Variants in SACS observed in about 807,000 individuals in gnomAD.
The protein encoded by SACS is sacsin molecular chaperone.
Under a neutral mutation model 348.0 loss-of-function variants are expected in SACS, and 197 were observed. The ratio of observed to expected loss-of-function variants is 0.57; its 90% CI spans 0.50 to 0.64. The LOEUF is 0.64. Ranked by LOEUF, SACS falls within the 30% of genes least tolerant of loss-of-function variation. The probability of loss-of-function intolerance (pLI) is 0.00; values close to 1 mark genes in which losing one functional copy is unlikely to be tolerated. For synonymous variants in SACS, 1,985 were observed against 1,910.6 expected, an observed-to-expected ratio of 1.04 and a Z score of -1.02; for missense variants, 4,999 against 5,360.8, an observed-to-expected ratio of 0.93 and a Z score of 2.11.
chr13:23,372,970 CCT>C (rs1468008897), intron 3 of SACS, among the ~76,000 whole-genome samples: 2 of 152,192 alleles, frequency 1.3e-5, no homozygotes, highest in Non-Finnish European at 2.9e-5. Flanking sequence ...TACTTAGACC[CCT>C]GTCTACCCAC....
intron 2 of SACS, among the ~76,000 whole-genome samples, chr13:23,406,378 C>CG (rs1485231398): frequency 2.1e-5 from 3 of 142,916 alleles, no homozygotes; most frequent in African/African-American, 5.2e-5. Context: ...CAGGGCCTGT[C>CG]GGGGGGTGGG....
At chr13:23,364,472 G>A (rs1288457798) in intron 6 of SACS, among the ~76,000 whole-genome samples, 1 of 152,134 alleles carries the variant, frequency 6.6e-6, no homozygotes, top group African/African-American at 2.4e-5. Flanking sequence ...GTAGAGACGG[G>A]GTTTTGCCAC....
intron 4 of SACS, among the ~76,000 whole-genome samples, chr13:23,370,246 A>T (rs760806540): frequency 6.6e-6 from 1 of 152,152 alleles, no homozygotes; most frequent in Non-Finnish European, 1.5e-5. Flanking sequence ...ATATGATTTC[A>T]TTTCATTTTT....
chr13:23,407,972 C>T (rs1873306728), intron 2 of SACS, among the ~76,000 whole-genome samples: 1 of 152,192 alleles, frequency 6.6e-6, no homozygotes, highest in African/African-American at 2.4e-5. Flanking sequence ...TGACCCCTCA[C>T]ACTGCACATT....
chr13:23,395,389 G>A (rs922714090), intron 2 of SACS, among the ~76,000 whole-genome samples: 1 of 152,140 alleles, frequency 6.6e-6, no homozygotes, highest in Non-Finnish European at 1.5e-5. Context: ...TTGGAACTTT[G>A]ATGGCTTCCC....
At chr13:23,370,171 A>T (rs1871298059) in intron 4 of SACS, among the ~76,000 whole-genome samples, 1 of 152,172 alleles carries the variant, frequency 6.6e-6, no homozygotes. Flanking sequence ...ACTCATTCTT[A>T]TAACTAGCTC....
chr13:23,424,953 G>A (rs919834708), intron 1 of SACS, among the ~76,000 whole-genome samples: 1 of 152,216 alleles, frequency 6.6e-6, no homozygotes, highest in Non-Finnish European at 1.5e-5. Context: ...GAAGATATGG[G>A]TGAAGGAGCT....
In SACS at chr13:23,399,019, C is replaced by CAAAAAAAAAAAAAAAAAAAAAAA. The variant is rs752943692; in HGVS notation, c.20+12200_20+12201insTTTTTTTTTTTTTTTTTTTTTTT. 1.1e-3 allele frequency among the ~76,000 whole-genome samples: 72 copies of CAAAAAAAAAAAAAAAAAAAAAAA among 67,108 alleles called. 3 individuals are homozygous for CAAAAAAAAAAAAAAAAAAAAAAA. The highest frequency in any genetic ancestry group is 5.0e-3 in the East Asian group (7 of 1,400). 44.0% of individuals were successfully genotyped at this position (67,108 alleles called of 152,430 possible). A position where few individuals can be genotyped will look rare whatever the true frequency, so the allele number is the denominator to read the frequency against. ...CTGGTAACAGAGTGAGACTCCATCT[C>CAAAAAAAAAAAAAAAAAAAAAAA]AAAAAAAAAAAAAAAAAACATGGAT... On this transcript the variant is annotated intron_variant, in intron 2 of 9. Coordinates refer to ENST00000382292, the MANE Select transcript of SACS (RefSeq NM_014363.6).
chr13:23,370,642 AC>A (rs1394157510), intron 4 of SACS, among the ~76,000 whole-genome samples: 2 of 151,738 alleles, frequency 1.3e-5, no homozygotes, highest in African/African-American at 4.8e-5. Flanking sequence ...TCTGGCAACC[AC>A]CATTCTACTC....
intron 9 of SACS, among the ~76,000 whole-genome samples, chr13:23,344,036 G>T (rs564002711): frequency 1.3e-5 from 2 of 152,274 alleles, no homozygotes; most frequent in South Asian, 4.1e-4. Context: ...TTTGTCAGCA[G>T]CTTGACTAGT....
Position 23,368,037 on chromosome 13 carries a change from A to G in SACS, c.345+365T>C, listed in dbSNP as rs1871166732. Among the ~76,000 whole-genome samples the G allele has an allele frequency of 2.6e-5, 4 of 152,330 alleles. No individual in the cohort carries two copies. In the South Asian group the frequency reaches 8.3e-4, roughly 32 times the overall value. Reference sequence around the variant, plus strand: ...CCAATGGGCATGCATTCAAGCCTCTAATCGTAGAATGTATTTGGCTGGCCG... The same window carrying G: ...CCAATGGGCATGCATTCAAGCCTCTGATCGTAGAATGTATTTGGCTGGCCG... On this transcript the variant is annotated intron_variant, in intron 5 of 9. Coordinates refer to ENST00000382292, the MANE Select transcript of SACS (RefSeq NM_014363.6).
intron 2 of SACS, among the ~76,000 whole-genome samples, chr13:23,407,449 T>C (rs927169206): frequency 2.6e-5 from 4 of 152,210 alleles, no homozygotes; most frequent in African/African-American, 9.6e-5. Flanking sequence ...TCTGCCCACC[T>C]CGGCCTCCCA....
chr13:23,361,788 GA>G (rs111262553), intron 6 of SACS, among the ~76,000 whole-genome samples: 6,648 of 139,886 alleles, frequency 0.048, 489 homozygotes, highest in African/African-American at 0.16. Context: ...GAAAAAGAAG[GA>G]AAAAAAAAAA....
rs973380628 is a variant in SACS, at chr13:23,417,947, T to C, written c.-501-6207A>G. Among the ~76,000 whole-genome samples the C allele has an allele frequency of 1.2e-4, 18 of 151,352 alleles. No homozygotes were observed. In the East Asian group the frequency reaches 2.0e-3, roughly 16 times the overall value. ...AGCCAGGCATGGTGGCACGCACTTG[T>C]AGTCACAGTTACTAGGGAGGCTGAG... On this transcript the variant is annotated intron_variant, in intron 1 of 9. Coordinates refer to ENST00000382292, the MANE Select transcript of SACS (RefSeq NM_014363.6).
chr13:23,358,338 T>C lies in SACS; in HGVS notation c.601A>G (p.Thr201Ala). ...ACCGAAAAGCCTAATACTCTACCTGTTATATGATAGACAGAATTAAACCCA... is the reference window on the plus strand; with the variant it reads ...ACCGAAAAGCCTAATACTCTACCTGCTATATGATAGACAGAATTAAACCCA... Reference protein sequence around the residue: ...GIGFNSVYHITDVPCIFSGDQ... With the variant: ...GIGFNSVYHIADVPCIFSGDQ... The change falls in exon 7 of 10, where the codon ACA (threonine) becomes GCA (alanine). Residue 201 changes from threonine (T) to alanine (A), a missense_variant. Around this residue, in one of 6 missense-constraint regions of SACS, gnomAD observed 3,156 missense variants for 3,380.1 expected, o/e 0.93. Coordinates refer to ENST00000382292, the MANE Select transcript of SACS (RefSeq NM_014363.6). The C allele has an allele frequency of 6.2e-7, 1 of 1,613,938 alleles. No homozygotes were observed. The highest frequency in any genetic ancestry group is 8.5e-7 in the Non-Finnish European group (1 of 1,179,802).
chr13:23,396,562 A>C (rs1721225136), intron 2 of SACS, among the ~76,000 whole-genome samples: 1 of 152,166 alleles, frequency 6.6e-6, no homozygotes. Context: ...ATTAATTTTT[A>C]AATTATAAAT....
At chr13:23,395,891 C>A (rs1375147977) in intron 2 of SACS, among the ~76,000 whole-genome samples, 1 of 152,156 alleles carries the variant, frequency 6.6e-6, no homozygotes, top group Non-Finnish European at 1.5e-5. Flanking sequence ...CTATTTGCAT[C>A]TGTATGTAAC....
Position 23,353,789 on chromosome 13 carries a change from G to A in SACS, c.2181C>T (p.Thr727=), listed in dbSNP as rs767656737. 3.8e-6 allele frequency: 6 copies of A among 1,570,204 alleles called. No individual in the cohort carries two copies. The highest frequency in any genetic ancestry group is 3.5e-6 in the Non-Finnish European group (4 of 1,140,870). Residue 727 remains threonine, a synonymous_variant, in exon 9 of 10, where the codon ACC becomes ACT. Transcript: ENST00000382292. The part of the protein sequence containing the change: ...LVAALKEAAQ[T]RGRPCTQLQL... ...AAGAATACTAAACTATAATACCTCG[G>A]GTTTGGGCAGCTTCCTTTAAAGCAG...
At position 23,334,532 on chromosome 13, in the gene SACS, C is replaced by T; in HGVS notation, c.9344G>A (p.Gly3115Glu). ...FSSPDTNCHI[G>E]KLPCRLQQTN... ...CTGCTGCAGACGACAAGGCAGCTTCCCAATATGGCAATTAGTGTCAGGAGA... is the reference window on the plus strand; with the variant it reads ...CTGCTGCAGACGACAAGGCAGCTTCTCAATATGGCAATTAGTGTCAGGAGA... The change falls in exon 10 of 10, where the codon GGG (glycine) becomes GAG (glutamate). Residue 3115 changes from glycine to glutamate, a missense_variant. Gly to Glu is a moderately conservative substitution (Grantham distance 98, BLOSUM62 -2). Around this residue, in one of 6 missense-constraint regions of SACS, gnomAD observed 734 missense variants for 694.0 expected, o/e 1.06. Coordinates refer to ENST00000382292, the MANE Select transcript of SACS (RefSeq NM_014363.6). 6.2e-7 allele frequency: 1 copy of T among 1,613,354 alleles called. No homozygotes were observed.
Sources: gnomAD v4.1 joint callset for allele counts (sites outside exome capture counted in the v4.1 genomes callset) on GRCh38, gnomAD v4.1.1 for gene constraint, gnomAD v4.1.1 regional missense constraint, MANE v1.5 for transcripts, NCBI Gene and HGNC (gene_info 2026-07-23, HGNC 2026-07-21) for gene names.